ANK1: variants seen among roughly 807,000 people sequenced by gnomAD.
The protein encoded by ANK1 is ankyrin-1.
ANK1 carries 51 observed loss-of-function variants against 210.4 expected under a neutral mutation model. The observed-to-expected ratio is 0.24, with a 90% CI of 0.19 to 0.31. The LOEUF is 0.31. Ranked by LOEUF, ANK1 falls within the 10% of genes least tolerant of loss-of-function variation. The pLI, the probability that ANK1 is intolerant of heterozygous loss-of-function variation, is 1.00. For synonymous variants in ANK1, 967 were observed against 1,025.9 expected (o/e 0.94, Z 1.10); for missense variants, 2,051 against 2,504.4 (o/e 0.82, Z 3.86).
intron 1 of ANK1, chr8:41,840,024 T>C (rs892129166): frequency 6.7e-6 from 1 of 148,286 alleles, no homozygotes; most frequent in African/African-American, 2.5e-5. Flanking sequence ...TTTAAACTTG[T>C]TTTTTTTTTC....
chr8:41,694,091 G>A lies in ANK1; in HGVS notation c.3339C>T (p.Val1113=). The A allele has an allele frequency of 6.2e-7, 1 of 1,613,910 alleles. No individual in the cohort carries two copies. Among genetic ancestry groups the A allele is most frequent in the Non-Finnish European group, 8.5e-7 (1 of 1,179,942 alleles). ...RVKLALQAQP[V]PDELVTKLLG... The stretch of plus-strand genomic sequence containing the variant: ...GGAGCTTAGTGACAAGCTCATCCGG[G>A]ACAGGCTGGGCCTGTGAAATGACAG... The change falls in exon 29 of 43, where the codon GTC becomes GTT. Residue 1113 remains valine, a synonymous_variant. Transcript: ENST00000289734. The surrounding 1 kb of genome is among the most constrained non-coding windows in gnomAD (Gnocchi z 5.7).
intron 35 of ANK1, among the ~76,000 whole-genome samples, chr8:41,687,863 C>T (rs1397843764): frequency 1.3e-5 from 2 of 152,184 alleles, no homozygotes; most frequent in African/African-American, 2.4e-5. Context: ...CAGACCATAG[C>T]GAAATATGTT....
chr8:41,676,802 G>A (rs921965248), intron 37 of ANK1, among the ~76,000 whole-genome samples: 1 of 152,186 alleles, frequency 6.6e-6, no homozygotes, highest in Admixed American at 6.5e-5. Flanking sequence ...TTGCATAAAT[G>A]TTCATAAATG....
intron 1 of ANK1, among the ~76,000 whole-genome samples, chr8:41,822,292 C>A (rs1278642396): frequency 3.3e-5 from 5 of 152,316 alleles, no homozygotes; most frequent in South Asian, 2.1e-4. Context: ...TCATTGCAAC[C>A]ATATACACGT....
rs1217526373 is a variant in ANK1 at position 41,699,503 on chromosome 8, T to A, written c.2507A>T (p.Asp836Val). 1 of 1,613,878 alleles carries A rather than the reference T, an allele frequency of 6.2e-7. No individual in the cohort carries two copies. The highest frequency in any genetic ancestry group is 8.5e-7 in the Non-Finnish European group (1 of 1,180,012). The stretch of plus-strand genomic sequence containing the variant: ...CAGCAGCTCCTTCTCTTCATCAACA[T>A]CCCTGGAATCCCGCCTCTCAGCCTT... ...SFKAERRDSR[D>V]VDEEKELLDF... Residue 836 changes from aspartate (D) to valine (V), a missense_variant, in exon 23 of 43, where the codon GAT becomes GTT. Asp to Val is a radical substitution (Grantham distance 152). Transcript: ENST00000289734.
intron 1 of ANK1, among the ~76,000 whole-genome samples, chr8:41,827,803 A>C (rs990267379): frequency 3.3e-5 from 5 of 151,164 alleles, no homozygotes; most frequent in Admixed American, 3.3e-4. Flanking sequence ...ATGCACACTC[A>C]CGCACACACC....
chr8:41,742,930 G>A (rs1458399714), intron 2 of ANK1, among the ~76,000 whole-genome samples: 1 of 152,150 alleles, frequency 6.6e-6, no homozygotes, highest in Non-Finnish European at 1.5e-5. Flanking sequence ...AATATCCTAG[G>A]TTAGTGGGAT....
At chr8:41,703,451 T>TACATATATA (rs1554555252) in intron 20 of ANK1, among the ~76,000 whole-genome samples, 1 of 37,408 alleles carries the variant, frequency 2.7e-5, no homozygotes, top group Admixed American at 3.7e-4. Context: ...TATATATATA[T>TACATATATA]TTTTTTTTTT....
At chr8:41,739,731 C>T (rs1455246070) in intron 2 of ANK1, among the ~76,000 whole-genome samples, 1 of 152,032 alleles carries the variant, frequency 6.6e-6, no homozygotes, top group Non-Finnish European at 1.5e-5. Context: ...TTCAGTGCAC[C>T]ACAGCCTTCA....
chr8:41,786,030 C>T (rs1352592549), intron 1 of ANK1, among the ~76,000 whole-genome samples: 4 of 152,218 alleles, frequency 2.6e-5, no homozygotes, highest in East Asian at 1.9e-4. Flanking sequence ...CCCTGCAGAT[C>T]GTCCCTTGAT....
chr8:41,698,765 C>G (rs1255197103), intron 23 of ANK1, among the ~76,000 whole-genome samples: 1 of 152,008 alleles, frequency 6.6e-6, no homozygotes, highest in East Asian at 1.9e-4. Context: ...TCGAGCTTAG[C>G]CTGGCAATAG....
At chr8:41,746,917 C>G (rs567879391) in intron 2 of ANK1, among the ~76,000 whole-genome samples, 145 of 150,886 alleles carry the variant, frequency 9.6e-4, no homozygotes, top group African/African-American at 3.3e-3. Context: ...GCAGTGGGGT[C>G]AGGAGAAAGG....
rs765681934 is a variant in ANK1, at chr8:41,696,683, G to T, written c.2728C>A (p.His910Asn). 17 of 1,603,892 alleles carry T rather than the reference G, an allele frequency of 1.1e-5. No homozygotes were observed. In the African/African-American group the frequency reaches 2.1e-4, roughly 20 times the overall value. ...CCTGCGCCCGCCACTCACCCTGTAT[G>T]CACCGGGCTGGCCACCGGGCTGATG... is the stretch of plus-strand genomic sequence containing the variant. ...DNISPVASPV[H>N]TGFLVSFMVD... is the part of the protein sequence containing the mutation. The change falls in exon 25 of 43, where the codon CAT becomes AAT. Residue 910 changes from histidine to asparagine, a missense_variant. Around this residue, in one of 6 missense-constraint regions of ANK1, gnomAD observed 1,413 missense variants for 1,707.4 expected, o/e 0.83. Transcript: ENST00000289734.
intron 1 of ANK1, among the ~76,000 whole-genome samples, chr8:41,778,676 G>A (rs146903335): frequency 2.0e-5 from 3 of 152,336 alleles, no homozygotes; most frequent in African/African-American, 4.8e-5. Flanking sequence ...GTAAAGGAAT[G>A]ATTCGTTGCT....
At chr8:41,834,618 T>G (rs1321313097) in intron 1 of ANK1, among the ~76,000 whole-genome samples, 9 of 152,218 alleles carry the variant, frequency 5.9e-5, no homozygotes, top group African/African-American at 2.2e-4. Flanking sequence ...AGGGAGGTTC[T>G]CAGGGTCCGG....
chr8:41,791,916 T>TG (rs58204286), intron 1 of ANK1, among the ~76,000 whole-genome samples: 119,141 of 151,480 alleles, frequency 0.79, 47,660 homozygotes, highest in African/African-American at 0.86. Flanking sequence ...AGAGAAGGGC[T>TG]GGGGTCAGAA....
intron 9 of ANK1, 80 bp downstream of exon 9, chr8:41,723,045 C>T: frequency 1.5e-6 from 2 of 1,308,708 alleles, no homozygotes; most frequent in Admixed American, 3.4e-5. Context: ...CTCTGTTTTA[C>T]AGAAATAGGA....
intron 1 of ANK1, among the ~76,000 whole-genome samples, chr8:41,812,564 T>C (rs980696896): frequency 1.1e-4 from 17 of 152,234 alleles, no homozygotes; most frequent in African/African-American, 4.1e-4. Context: ...GTTTCTTTCA[T>C]AGATGTAGAT....
chr8:41,737,604 C>T (rs1833755468), intron 2 of ANK1, among the ~76,000 whole-genome samples: 1 of 152,200 alleles, frequency 6.6e-6, no homozygotes, highest in South Asian at 2.1e-4. Flanking sequence ...AGATCCTGGC[C>T]CAGCGATCTC....
Sources: gnomAD v4.1 joint callset for allele counts (sites outside exome capture counted in the v4.1 genomes callset) on GRCh38, gnomAD v4.1.1 for gene constraint, gnomAD v4.1.1 regional missense constraint, Gnocchi (gnomAD v3.1) non-coding constraint, MANE v1.5 for transcripts, NCBI Gene and HGNC (gene_info 2026-07-23, HGNC 2026-07-21) for gene names.